Variants in TENM3 observed in about 807,000 individuals in gnomAD.
The protein encoded by TENM3 is teneurin-3.
A neutral mutation model predicts 255.1 loss-of-function variants in TENM3; 63 were observed. The ratio of observed to expected loss-of-function variants is 0.25; its 90% CI spans 0.20 to 0.30. The LOEUF is 0.30. TENM3 is among the 10% of genes least tolerant of loss of function. The pLI is 1.00. For synonymous variants in TENM3, 1,306 were observed against 1,322.3 expected, an observed-to-expected ratio of 0.99 and a Z score of 0.27; for missense variants, 2,929 against 3,461.1, an observed-to-expected ratio of 0.85 and a Z score of 3.86.
chr4:182,773,771 G>A, intron 23 of TENM3, 124 bp downstream of exon 23: 1 of 793,536 alleles, frequency 1.3e-6, no homozygotes, highest in Non-Finnish European at 2.0e-6. Context: ...AAATATTGGT[G>A]ACATAATCTA....
chr4:181,947,825 G>A, the TENM3 span, among the ~76,000 whole-genome samples: 4 of 152,188 alleles, frequency 2.6e-5, no homozygotes, highest in Middle Eastern at 3.4e-3. Context: ...GAATCTGTTC[G>A]GATTAAGGGT....
the TENM3 span, among the ~76,000 whole-genome samples, chr4:181,937,933 C>G: frequency 6.6e-6 from 1 of 152,196 alleles, no homozygotes; most frequent in Admixed American, 6.5e-5. Context: ...AGAGATGCCT[C>G]TGAATTAGCT....
At chr4:182,635,457 T>C (rs1293270109) in intron 5 of TENM3, among the ~76,000 whole-genome samples, 4 of 152,142 alleles carry the variant, frequency 2.6e-5, no homozygotes, top group African/African-American at 9.7e-5. Context: ...CAATACCCAA[T>C]AGTTTTTTTA....
chr4:181,822,421 T>A, the TENM3 span, among the ~76,000 whole-genome samples: 3 of 152,238 alleles, frequency 2.0e-5, no homozygotes, highest in Non-Finnish European at 4.4e-5. Context: ...TGCTGTATTA[T>A]AAGCTTTTAA....
chr4:181,541,267 T>C, the TENM3 span, among the ~76,000 whole-genome samples: 1 of 151,866 alleles, frequency 6.6e-6, no homozygotes, highest in East Asian at 1.9e-4. Flanking sequence ...CTTGTATTCC[T>C]GGGTATGTGG....
chr4:181,741,074 G>A, the TENM3 span, among the ~76,000 whole-genome samples: 1 of 152,176 alleles, frequency 6.6e-6, no homozygotes, highest in African/African-American at 2.4e-5. Flanking sequence ...GTCTTTCTAT[G>A]ACTGAAATGG....
rs1751288232 is a variant in TENM3 at position 182,161,793 on chromosome 4, G to GTGTA, written c.-76+17040_-76+17041insGTAT. On this transcript the variant is annotated intron_variant, in intron 1 of 2. Coordinates refer to the TENM3 transcript ENST00000512480. ...TGTATATATATATACACAAATATAT[G>GTGTA]TATATATATACACATATATATGTAT... Among the ~76,000 whole-genome samples the GTGTA allele has an allele frequency of 1.5e-3, 58 of 39,970 alleles. 5 individuals are homozygous for GTGTA. The highest frequency in any genetic ancestry group is 7.7e-3 in the Admixed American group (24 of 3,126). The allele number at this position is 39,970 out of a possible 152,430, so 26.2% of individuals were successfully genotyped here. A position where few individuals can be genotyped will look rare whatever the true frequency, so the allele number is the denominator to read the frequency against.
chr4:182,088,846 A>G, the TENM3 span, among the ~76,000 whole-genome samples: 1 of 142,232 alleles, frequency 7.0e-6, no homozygotes, highest in Non-Finnish European at 1.6e-5. Flanking sequence ...AAGAAAAAAA[A>G]AAAAAAGAGA....
At chr4:182,340,217 C>G (rs747995306) in intron 2 of TENM3, among the ~76,000 whole-genome samples, 2 of 152,170 alleles carry the variant, frequency 1.3e-5, no homozygotes, top group African/African-American at 2.4e-5. Flanking sequence ...TTCTTACCCA[C>G]CTCCTCAAGT....
intron 5 of TENM3, among the ~76,000 whole-genome samples, chr4:182,634,033 T>C (rs1165603232): frequency 6.6e-6 from 1 of 152,030 alleles, no homozygotes; most frequent in Non-Finnish European, 1.5e-5. Flanking sequence ...CGAGATTGGT[T>C]TTTCCAGCAG....
the TENM3 span, among the ~76,000 whole-genome samples, chr4:181,617,008 C>T: frequency 6.6e-6 from 1 of 152,146 alleles, no homozygotes; most frequent in Non-Finnish European, 1.5e-5. Flanking sequence ...AATGATCACA[C>T]CCCCTTATGC....
intron 1 of TENM3, among the ~76,000 whole-genome samples, chr4:182,258,045 A>C (rs992849628): frequency 6.6e-6 from 1 of 152,182 alleles, no homozygotes; most frequent in Non-Finnish European, 1.5e-5. Context: ...GAATAAATGT[A>C]AATTGTGTAT....
At chr4:182,431,173 T>C (rs1158162736) in intron 3 of TENM3, among the ~76,000 whole-genome samples, 1 of 151,960 alleles carries the variant, frequency 6.6e-6, no homozygotes, top group Non-Finnish European at 1.5e-5. Flanking sequence ...GATAAGGGTC[T>C]AGGTCTGGAT....
At chr4:181,650,495 AC>A in the TENM3 span, among the ~76,000 whole-genome samples, 2 of 152,108 alleles carry the variant, frequency 1.3e-5, no homozygotes, top group African/African-American at 4.8e-5. Context: ...TCATTTGGAG[AC>A]GGGGTGTTCA....
chr4:182,516,344 C>T (rs1033114097), intron 3 of TENM3, among the ~76,000 whole-genome samples: 7 of 152,058 alleles, frequency 4.6e-5, no homozygotes, highest in South Asian at 2.1e-4. Context: ...AATGTATAAA[C>T]GTAAGTTGGT....
Position 182,161,773 on chromosome 4 carries a change from A to ATATATACACATATATG in TENM3, c.-76+17025_-76+17026insCACATATATGTATATA, listed in dbSNP as rs1561153287. ...TATATATATACATATATATGTGTAT[A>ATATATACACATATATG]TATATATACACAAATATATGTATAT... On this transcript the variant is annotated intron_variant, in intron 1 of 2. Coordinates refer to the TENM3 transcript ENST00000512480. Among the ~76,000 whole-genome samples the ATATATACACATATATG allele has an allele frequency of 1.2e-4, 6 of 48,842 alleles. 1 individual carries two copies. Among genetic ancestry groups the ATATATACACATATATG allele is most frequent in the Non-Finnish European group, 2.2e-4 (6 of 27,494 alleles). 32.0% of individuals were successfully genotyped at this position (48,842 alleles called of 152,430 possible).
intron 1 of TENM3, among the ~76,000 whole-genome samples, chr4:182,260,886 T>A (rs1758735748): frequency 6.6e-6 from 1 of 152,296 alleles, no homozygotes; most frequent in South Asian, 2.1e-4. Flanking sequence ...TCTTTCTTTT[T>A]TTTTTCTGAG....
chr4:182,603,552 C>G (rs1028027644), intron 4 of TENM3, among the ~76,000 whole-genome samples: 1 of 151,994 alleles, frequency 6.6e-6, no homozygotes, highest in African/African-American at 2.4e-5. Flanking sequence ...CGACACAGTA[C>G]TACTGTGGTT....
the TENM3 span, among the ~76,000 whole-genome samples, chr4:181,821,915 T>G: frequency 3.9e-5 from 6 of 152,228 alleles, no homozygotes; most frequent in Non-Finnish European, 1.5e-5. Flanking sequence ...AGATCACGTT[T>G]CTATCATTTA....
Sources: allele counts gnomAD v4.1 joint callset (sites outside exome capture counted in the v4.1 genomes callset), GRCh38; gene constraint gnomAD v4.1.1; transcripts MANE v1.5; gene names NCBI Gene and HGNC (gene_info 2026-07-23, HGNC 2026-07-21).